The following SMARCD3 variants were observed in gnomAD, a reference collection of about 807,000 sequenced individuals.
The protein encoded by SMARCD3 is SWI/SNF-related matrix-associated actin-dependent regulator of chromatin subfamily D member 3.
A neutral mutation model predicts 58.0 loss-of-function variants in SMARCD3; 14 were observed. That is an observed-to-expected ratio of 0.24 (90% CI 0.16 to 0.38). SMARCD3 has a LOEUF of 0.38. Ranked by LOEUF, SMARCD3 falls within the 10% of genes least tolerant of loss-of-function variation. The pLI is 1.00. For synonymous variants in SMARCD3, 253 were observed against 253.8 expected, an observed-to-expected ratio of 1.00 and a Z score of 0.03; for missense variants, 408 against 636.9, an observed-to-expected ratio of 0.64 and a Z score of 3.87.
intron 2 of SMARCD3, among the ~76,000 whole-genome samples, chr7:151,244,459 C>T (rs573922095): frequency 3.1e-4 from 47 of 152,166 alleles, no homozygotes; most frequent in Non-Finnish European, 6.6e-4. Context: ...GATGAAAACG[C>T]AGCCCAGAGA....
intron 2 of SMARCD3, among the ~76,000 whole-genome samples, chr7:151,264,533 C>G (rs930905591): frequency 6.6e-6 from 1 of 152,182 alleles, no homozygotes; most frequent in African/African-American, 2.4e-5. Context: ...AAGAAGCCAC[C>G]ATACCAGGCC....
chr7:151,245,528 G>A lies in SMARCD3; in HGVS notation c.222C>T (p.Pro74=), dbSNP rs1290671900. 13 of 1,221,668 alleles carry A rather than the reference G, an allele frequency of 1.1e-5. No homozygotes were observed. The highest frequency in any genetic ancestry group is 3.2e-5 in the East Asian group (1 of 31,220). The allele number at this position is 1,221,668 out of a possible 1,614,324, so 75.7% of individuals were successfully genotyped here. ...GMEPARKRAA[P]PPGQSQAQSQ... is the part of the protein sequence containing the mutation. ...TCTGTGCCTGGCTCTGCCCGGGCGG[G>A]GGCGCTGCTCGCTTGCGGGCGGGCT... is the stretch of plus-strand genomic sequence containing the variant. Residue 74 remains proline (P), a synonymous_variant, in exon 2 of 13, where the codon CCC becomes CCT. Transcript: ENST00000262188. This position sits in a 1 kb window ranked among gnomAD's most constrained non-coding sequence, Gnocchi z 6.2.
chr7:151,263,366 A>G (rs1001172453), intron 2 of SMARCD3, among the ~76,000 whole-genome samples: 1 of 152,018 alleles, frequency 6.6e-6, no homozygotes, highest in African/African-American at 2.4e-5. Context: ...GGGGAGAGAG[A>G]GGCAGGATGT....
intron 2 of SMARCD3, among the ~76,000 whole-genome samples, chr7:151,274,789 A>T (rs891771939): frequency 1.3e-5 from 2 of 152,170 alleles, no homozygotes; most frequent in Non-Finnish European, 2.9e-5. Flanking sequence ...CAGAGCCCAG[A>T]CCATGCTCAC....
chr7:151,258,704 T>C (rs546023201), intron 2 of SMARCD3, among the ~76,000 whole-genome samples: 43 of 152,242 alleles, frequency 2.8e-4, no homozygotes, highest in African/African-American at 9.4e-4. Context: ...GGTCTCATCC[T>C]TACTCCCTGT....
exon 2 of SMARCD3, chr7:151,275,249 G>A (rs1411665516): frequency 3.9e-6 from 4 of 1,032,908 alleles, no homozygotes; most frequent in Non-Finnish European, 4.5e-6. Flanking sequence ...CCATTCTGAG[G>A]ATCTGAAAGG....
chr7:151,258,066 A>G (rs1437330938), intron 2 of SMARCD3, among the ~76,000 whole-genome samples: 1 of 151,968 alleles, frequency 6.6e-6, no homozygotes, highest in African/African-American at 2.4e-5. Flanking sequence ...GCCCAGGCCC[A>G]CACCTTGGAA....
chr7:151,241,009 C>A lies in SMARCD3; in HGVS notation c.939+483G>T. The A allele has an allele frequency of 4.2e-6, 1 of 237,748 alleles. No individual in the cohort carries two copies. Among genetic ancestry groups the A allele is most frequent in the South Asian group, 5.9e-5 (1 of 17,062 alleles). 14.7% of individuals were successfully genotyped at this position (237,748 alleles called of 1,614,324 possible). On this transcript the variant is annotated intron_variant, in intron 8 of 12. Transcript: ENST00000262188. The surrounding 1 kb of genome is among the most constrained non-coding windows in gnomAD (Gnocchi z 5.3). ...TATCTGCTGTATTTATTTTTAAATG[C>A]ATTAATAAGAATATTCTCTGTTTTG...
intron 2 of SMARCD3, among the ~76,000 whole-genome samples, chr7:151,270,099 G>A (rs1795130074): frequency 6.6e-6 from 1 of 152,182 alleles, no homozygotes; most frequent in African/African-American, 2.4e-5. Context: ...GTGGTCAGAT[G>A]GCTTGGAGGG....
chr7:151,254,825 G>A (rs183565857), intron 2 of SMARCD3, among the ~76,000 whole-genome samples: 8 of 152,234 alleles, frequency 5.3e-5, no homozygotes. Flanking sequence ...GCTCTGAACA[G>A]GTGTTTAGGG....
At chr7:151,255,581 C>T (rs1312531483) in intron 2 of SMARCD3, among the ~76,000 whole-genome samples, 1 of 152,188 alleles carries the variant, frequency 6.6e-6, no homozygotes, top group Admixed American at 6.5e-5. Flanking sequence ...TCCAGCGATC[C>T]TCCCTGTTCC....
At chr7:151,254,764 A>G (rs1247102078) in intron 2 of SMARCD3, among the ~76,000 whole-genome samples, 9 of 152,024 alleles carry the variant, frequency 5.9e-5, no homozygotes, top group Middle Eastern at 3.4e-3. Flanking sequence ...CCTGCCCCTC[A>G]CCTCGGGAAG....
chr7:151,275,111 T>C, intron 2 of SMARCD3: 1 of 1,611,294 alleles, frequency 6.2e-7, no homozygotes, highest in Non-Finnish European at 8.5e-7. Flanking sequence ...AGGAAGCACC[T>C]ACCTGTACCA....
chr7:151,240,328 G>A, intron 9 of SMARCD3, 81 bp from the exon 10 acceptor site: 2 of 1,603,944 alleles, frequency 1.2e-6, no homozygotes, highest in Non-Finnish European at 1.7e-6. Context: ...GATCCAACAG[G>A]GAGGGAGAAG....
rs1803185382 is a variant in SMARCD3, at chr7:151,245,004, A to C, written c.290+456T>G. Among the ~76,000 whole-genome samples, 1 of 152,206 alleles carries C rather than the reference A, an allele frequency of 6.6e-6. No homozygotes were observed. The highest frequency in any genetic ancestry group is 1.5e-5 in the Non-Finnish European group (1 of 68,038). On this transcript the variant is annotated intron_variant, in intron 2 of 12. Coordinates refer to ENST00000262188, the MANE Select transcript of SMARCD3 (RefSeq NM_001003801.2). This position sits in a 1 kb window ranked among gnomAD's most constrained non-coding sequence, Gnocchi z 6.2. ...CCCCAAGCTCCACCCCCATGGTCAG[A>C]GAGTCCCATTGAGAAAATCTGGAGT...
chr7:151,247,995 C>T (rs1803353628), intron 1 of SMARCD3, among the ~76,000 whole-genome samples: 1 of 152,152 alleles, frequency 6.6e-6, no homozygotes, highest in Non-Finnish European at 1.5e-5. Context: ...GCAGAGGTGG[C>T]TCAGCCTGCG....
upstream of SMARCD3, chr7:151,277,070 C>T (rs1006755571): frequency 1.3e-4 from 19 of 149,504 alleles, no homozygotes; most frequent in Non-Finnish European, 2.2e-4. Context: ...CGGCGCGGGT[C>T]GCTCACCTGC....
At position 151,239,470 on chromosome 7, in the gene SMARCD3, C is replaced by T; in HGVS notation, c.1324G>A (p.Glu442Lys). ...TAGAACTCAGCCCGGCGCTCCTCTT[C>T]AGGGTTGCCGGCTACATCTGTCATC... Reference protein sequence around the residue: ...KVMTDVAGNPEEERRAEFYHQ... With the variant: ...KVMTDVAGNPKEERRAEFYHQ... Residue 442 changes from glutamate to lysine, a missense_variant, in exon 12 of 13, where the codon GAA becomes AAA. Glu to Lys is a moderately conservative substitution (Grantham distance 56). This residue lies in a region of SMARCD3 where 81 missense variants were observed against 109.7 expected (regional missense o/e 0.74). Coordinates refer to ENST00000262188, the MANE Select transcript of SMARCD3 (RefSeq NM_001003801.2). This position sits in a 1 kb window ranked among gnomAD's most constrained non-coding sequence, Gnocchi z 7.0. The T allele has an allele frequency of 6.2e-7, 1 of 1,613,850 alleles. No individual in the cohort carries two copies. The highest frequency in any genetic ancestry group is 8.5e-7 in the Non-Finnish European group (1 of 1,179,958).
At chr7:151,251,362 G>C (rs1302632198), upstream of SMARCD3, among the ~76,000 whole-genome samples, 1 of 152,194 alleles carries the variant, frequency 6.6e-6, no homozygotes, top group Non-Finnish European at 1.5e-5. Context: ...AAAAGGTCGA[G>C]GAAGCCACAT....
Sources: gnomAD v4.1 joint callset for allele counts (sites outside exome capture counted in the v4.1 genomes callset) on GRCh38, gnomAD v4.1.1 for gene constraint, gnomAD v4.1.1 regional missense constraint, Gnocchi (gnomAD v3.1) non-coding constraint, MANE v1.5 for transcripts, NCBI Gene and HGNC (gene_info 2026-07-23, HGNC 2026-07-21) for gene names.